AOAH: variants seen among roughly 807,000 people sequenced by gnomAD.
AOAH encodes acyloxyacyl hydrolase (neutrophil).
A neutral mutation model predicts 92.2 loss-of-function variants in AOAH; 64 were observed. The observed-to-expected ratio is 0.69, with a 90% CI of 0.57 to 0.86. AOAH has a LOEUF of 0.86. Among genes scored for constraint, AOAH ranks in the 40% least tolerant of loss-of-function variants. The pLI, the probability that AOAH is intolerant of heterozygous loss-of-function variation, is 0.00. For synonymous variants in AOAH, 263 were observed against 254.5 expected, an observed-to-expected ratio of 1.03 and a Z score of -0.32; for missense variants, 656 against 694.6, an observed-to-expected ratio of 0.94 and a Z score of 0.62.
At chr7:36,659,366 T>A in intron 3 of AOAH, 101 bp from the exon 4 acceptor site, 1 of 922,602 alleles carries the variant, frequency 1.1e-6, no homozygotes, top group East Asian at 2.5e-5. Context: ...TGGATTCTAA[T>A]ACCCTCAACT....
At chr7:36,682,233 T>C (rs887020026) in intron 2 of AOAH, among the ~76,000 whole-genome samples, 37 of 152,276 alleles carry the variant, frequency 2.4e-4, no homozygotes, top group African/African-American at 8.4e-4. Context: ...CTTTTGGGGA[T>C]AGAGAAAGTC....
At chr7:36,697,108 C>T (rs1210957917) in intron 1 of AOAH, among the ~76,000 whole-genome samples, 1 of 152,094 alleles carries the variant, frequency 6.6e-6, no homozygotes, top group Non-Finnish European at 1.5e-5. Context: ...GACATTTCTA[C>T]CTTCCTCCTG....
At chr7:36,610,120 TTTTTTC>T (rs1340972490) in intron 11 of AOAH, among the ~76,000 whole-genome samples, 4 of 110,954 alleles carry the variant, frequency 3.6e-5, no homozygotes, top group South Asian at 2.6e-4. Flanking sequence ...TCTTTTTTTC[TTTTTTC>T]TTTTTTTTTT....
At chr7:36,562,433 C>T (rs1413559311) in intron 13 of AOAH, among the ~76,000 whole-genome samples, 9 of 152,114 alleles carry the variant, frequency 5.9e-5, no homozygotes, top group East Asian at 1.9e-4. Context: ...CTGATCCCTG[C>T]GATCATAGTT....
intron 20 of AOAH, among the ~76,000 whole-genome samples, chr7:36,517,965 A>G (rs1005698207): frequency 1.3e-5 from 2 of 149,128 alleles, no homozygotes; most frequent in East Asian, 3.9e-4. Context: ...ACACACACAC[A>G]CACACGCACA....
rs34390772 is a variant in AOAH, at chr7:36,520,708, G to GA, written c.1599+1330dup. On this transcript the variant is annotated intron_variant, in intron 20 of 20. Coordinates refer to ENST00000617537, the MANE Select transcript of AOAH (RefSeq NM_001637.4). ...CAACAAGAGTGAAACTCTGTCTCGA[G>GA]AAAAAAAAAAAAAAAAAATAGAAAG... is the stretch of plus-strand genomic sequence containing the variant. Among the ~76,000 whole-genome samples, 235 of 134,804 alleles carry GA rather than the reference G, an allele frequency of 1.7e-3. 3 individuals carry two copies. Among genetic ancestry groups the GA allele is most frequent in the Middle Eastern group, 3.9e-3 (1 of 258 alleles). The allele number at this position is 134,804 out of a possible 152,430, so 88.4% of individuals were successfully genotyped here.
intron 1 of AOAH, among the ~76,000 whole-genome samples, chr7:36,722,806 C>T (rs1269644861): frequency 6.6e-6 from 1 of 151,686 alleles, no homozygotes; most frequent in Non-Finnish European, 1.5e-5. Context: ...TGGTGGTGTG[C>T]ATCTGTAATC....
At chr7:36,595,100 A>C (rs986735878) in intron 11 of AOAH, among the ~76,000 whole-genome samples, 2 of 152,248 alleles carry the variant, frequency 1.3e-5, no homozygotes, top group African/African-American at 2.4e-5. Flanking sequence ...TCAGCAAAGA[A>C]AAATGTGATG....
chr7:36,552,574 G>C (rs191414280), intron 13 of AOAH, among the ~76,000 whole-genome samples: 1 of 152,274 alleles, frequency 6.6e-6, no homozygotes, highest in East Asian at 1.9e-4. Flanking sequence ...TTGAGGAAGT[G>C]CCACACTGTC....
At chr7:36,594,713 A>T (rs1330518887) in intron 11 of AOAH, 1 of 420,524 alleles carries the variant, frequency 2.4e-6, no homozygotes, top group Non-Finnish European at 4.4e-6. Context: ...TCAGCAGACT[A>T]AACTTCCCAT....
chr7:36,644,542 C>T (rs553110366), intron 4 of AOAH, among the ~76,000 whole-genome samples: 6 of 152,212 alleles, frequency 3.9e-5, no homozygotes, highest in South Asian at 2.1e-4. Flanking sequence ...AAGACCGTAG[C>T]GAACAGAGGA....
chr7:36,605,308 A>C (rs2115758477), intron 11 of AOAH, among the ~76,000 whole-genome samples: 1 of 152,326 alleles, frequency 6.6e-6, no homozygotes, highest in Non-Finnish European at 1.5e-5. Flanking sequence ...ATTATTTTTA[A>C]ATGATGGAAT....
intron 13 of AOAH, among the ~76,000 whole-genome samples, chr7:36,569,619 CTATT>C (rs917350070): frequency 6.2e-5 from 8 of 129,942 alleles, no homozygotes; most frequent in African/African-American, 1.7e-4. Context: ...ATCTATCTAT[CTATT>C]TTTTAGATGG....
At chr7:36,553,025 T>A (rs1256633831) in intron 13 of AOAH, among the ~76,000 whole-genome samples, 2 of 151,806 alleles carry the variant, frequency 1.3e-5, no homozygotes. Context: ...ATGTGCAGGT[T>A]ACTTACATAT....
chr7:36,660,571 C>T (rs1435243734), intron 3 of AOAH, among the ~76,000 whole-genome samples: 3 of 152,216 alleles, frequency 2.0e-5, no homozygotes, highest in African/African-American at 7.2e-5. Context: ...CCCACCTCGG[C>T]CTCCCAAAGT....
At chr7:36,549,588 G>C in intron 13 of AOAH, 113 bp from the exon 14 acceptor site, 1 of 717,482 alleles carries the variant, frequency 1.4e-6, no homozygotes, top group South Asian at 1.6e-5. Flanking sequence ...TTCGGGCAAA[G>C]GTTGTTCTGA....
At chr7:36,695,799 G>A (rs1383798059) in intron 1 of AOAH, among the ~76,000 whole-genome samples, 1 of 152,094 alleles carries the variant, frequency 6.6e-6, no homozygotes, top group African/African-American at 2.4e-5. Context: ...AGAGCAAAGT[G>A]GTTAAATTGG....
intron 1 of AOAH, among the ~76,000 whole-genome samples, chr7:36,709,709 A>C (rs923630988): frequency 1.3e-5 from 2 of 152,136 alleles, no homozygotes; most frequent in Non-Finnish European, 2.9e-5. Context: ...TTCCAAAGCA[A>C]CATTCAGGCA....
chr7:36,522,224 C>T, intron 19 of AOAH, 109 bp from the exon 20 acceptor site: 2 of 880,438 alleles, frequency 2.3e-6, no homozygotes, highest in Non-Finnish European at 3.6e-6. Flanking sequence ...CCATGTTGAC[C>T]AAGCCACGGC....
Sources: gnomAD v4.1 joint callset for allele counts (sites outside exome capture counted in the v4.1 genomes callset) on GRCh38, gnomAD v4.1.1 for gene constraint, MANE v1.5 for transcripts, NCBI Gene and HGNC (gene_info 2026-07-23, HGNC 2026-07-21) for gene names.